Variants in MACF1 observed in about 807,000 individuals in gnomAD.
MACF1 encodes the protein microtubule-actin cross-linking factor 1.
A neutral mutation model predicts 854.8 loss-of-function variants in MACF1; 193 were observed. The ratio of observed to expected loss-of-function variants is 0.23; its 90% confidence interval spans 0.20 to 0.25. MACF1 has a LOEUF of 0.25. MACF1 is among the 10% of genes least tolerant of loss of function. The pLI is 1.00. For missense variants in MACF1, 7,722 were observed against 8,929.1 expected, an observed-to-expected ratio of 0.86 and a Z score of 5.45; for synonymous variants, 3,185 against 3,226.7, an observed-to-expected ratio of 0.99 and a Z score of 0.44.
chr1:39,147,089 C>G lies in MACF1; in HGVS notation c.220+62651C>G, dbSNP rs1017087693. 1.1e-4 allele frequency among the ~76,000 whole-genome samples: 17 copies of G among 149,692 alleles called. No homozygotes were observed. The Admixed American group carries it at 1.1e-3, about 10-fold the overall frequency. ...CCTCCTTCTCTCTCTTCCTCTCCTC[C>G]TCCTCCCCTTCCTCCCTCCCTCCTT... On this transcript the variant is annotated intron_variant, in intron 2 of 93. Transcript: ENST00000361689.
intron 58 of MACF1, 59 bp from the exon 59 acceptor site, chr1:39,422,315 G>C (rs535076928): frequency 7.4e-7 from 1 of 1,348,704 alleles, no homozygotes; most frequent in African/African-American, 1.4e-5. Flanking sequence ...CAGTCTCTGC[G>C]TGGTATAGAG....
At chr1:39,408,393 C>A (rs1414457005) in intron 58 of MACF1, among the ~76,000 whole-genome samples, 1 of 152,156 alleles carries the variant, frequency 6.6e-6, no homozygotes, top group Non-Finnish European at 1.5e-5. Context: ...GGGTTTAAGG[C>A]TGGAGTGTTC....
chr1:39,459,396 C>A, intron 91 of MACF1, 147 bp downstream of exon 91: 1 of 825,282 alleles, frequency 1.2e-6, no homozygotes. Context: ...AGTACTCATT[C>A]TTTGAGGCCC....
intron 2 of MACF1, among the ~76,000 whole-genome samples, chr1:39,246,213 C>G (rs962753747): frequency 6.6e-6 from 1 of 152,216 alleles, no homozygotes; most frequent in Admixed American, 6.5e-5. Flanking sequence ...GCTCTTCTAT[C>G]TTACTCCTAA....
At chr1:39,383,551 A>G (rs978367170) in intron 56 of MACF1, among the ~76,000 whole-genome samples, 2 of 152,236 alleles carry the variant, frequency 1.3e-5, no homozygotes, top group Admixed American at 6.5e-5. Context: ...TAATGAAAAA[A>G]TAGCATTTTC....
chr1:39,327,154 A>G (rs1646630529), intron 35 of MACF1, 64 bp from the exon 36 acceptor site: 1 of 1,460,344 alleles, frequency 6.8e-7, no homozygotes, highest in Non-Finnish European at 9.2e-7. Flanking sequence ...TTTTGAAGCA[A>G]TAGAGCAGAG....
chr1:39,268,252 C>G (rs1362691949), intron 6 of MACF1, among the ~76,000 whole-genome samples: 1 of 152,116 alleles, frequency 6.6e-6, no homozygotes, highest in East Asian at 1.9e-4. Flanking sequence ...GGCCTCTCTT[C>G]TTTTTCCCTC....
rs1369335794 is a variant in MACF1, at chr1:39,300,216, A to G, written c.2488A>G (p.Lys830Glu). The change falls in exon 22 of 101, where the codon AAG becomes GAG. Residue 830 changes from lysine (K) to glutamate (E), a missense_variant. Physicochemically the swap from Lys to Glu is moderately conservative, Grantham distance 56. Coordinates refer to ENST00000564288, the MANE Select transcript of MACF1 (RefSeq NM_001394062.1). ...TTTTCTTATCATTTTGTAGGATGAA[A>G]AGGAGCAGCTTATACAGTCCAAGAG... ...EDLLQDSMDE[K>E]EQLIQSKSSV... 3 of 1,611,034 alleles carry G rather than the reference A, an allele frequency of 1.9e-6. No individual in the cohort carries two copies.
At chr1:39,373,021 A>T (rs1353902118) in intron 52 of MACF1, 1 of 196,732 alleles carries the variant, frequency 5.1e-6, no homozygotes, top group Non-Finnish European at 1.0e-5. Context: ...AAATACAAAA[A>T]TTAGGCCAGG....
chr1:39,112,802 C>T (rs1193738905), intron 2 of MACF1, among the ~76,000 whole-genome samples: 1 of 152,070 alleles, frequency 6.6e-6, no homozygotes, highest in African/African-American at 2.4e-5. Flanking sequence ...CCTGTACCTG[C>T]CCAAAATGTT....
rs747685515 is a variant in MACF1 at position 39,439,325 on chromosome 1, C to T, written c.18272C>T (p.Ala6091Val). The T allele has an allele frequency of 9.9e-6, 16 of 1,613,992 alleles. No individual in the cohort carries two copies. In the East Asian group the frequency reaches 3.3e-4, roughly 34 times the overall value. The change falls in exon 72 of 101, where the codon GCT (alanine) becomes GTT (valine). Residue 6091 changes from alanine to valine, a missense_variant. Coordinates refer to ENST00000564288, the MANE Select transcript of MACF1 (RefSeq NM_001394062.1). ...QMVFFWEDIKARAEEREIKFL... is the reference protein window; with the variant it reads ...QMVFFWEDIKVRAEEREIKFL... ...GTATTCTTCTGGGAGGACATCAAAG[C>T]TCGGGCTGAAGAACGAGAAATCAAA...
At position 39,287,212 on chromosome 1, in the gene MACF1, A is replaced by G. The variant is rs1645662248; in HGVS notation, c.1509-74A>G. ...TTTTTATCATATCTTTGTCAAATGG[A>G]TAAGGAAGATTTTATTTTTAAAAAC... On this transcript the variant is annotated intron_variant, in intron 14 of 100. Transcript: ENST00000564288. 21 of 1,449,722 alleles carry G rather than the reference A, an allele frequency of 1.4e-5. 1 individual carries two copies. In the South Asian group the frequency reaches 2.5e-4, roughly 17 times the overall value. 89.8% of individuals were successfully genotyped at this position (1,449,722 alleles called of 1,614,324 possible).
At chr1:39,370,523 A>T (rs1569755394) in intron 51 of MACF1, among the ~76,000 whole-genome samples, 1 of 152,324 alleles carries the variant, frequency 6.6e-6, no homozygotes, top group Non-Finnish European at 1.5e-5. Context: ...CAAGGATGGG[A>T]CCAACCTTCC....
intron 2 of MACF1, among the ~76,000 whole-genome samples, chr1:39,119,948 A>G (rs367714360): frequency 1.1e-4 from 14 of 132,608 alleles, no homozygotes; most frequent in African/African-American, 4.1e-4. Flanking sequence ...CAATGGCATG[A>G]TCTCGGCTCA....
chr1:39,232,221 G>A (rs1397686697), intron 2 of MACF1, among the ~76,000 whole-genome samples: 1 of 151,518 alleles, frequency 6.6e-6, no homozygotes, highest in Non-Finnish European at 1.5e-5. Context: ...TAAACAGTAT[G>A]ACTACTGTGG....
At chr1:39,316,609 G>A in intron 28 of MACF1, 80 bp downstream of exon 28, 2 of 1,387,930 alleles carry the variant, frequency 1.4e-6, no homozygotes, top group East Asian at 2.4e-5. Flanking sequence ...AATTTTGGAT[G>A]GCATGACACT....
In MACF1 at chr1:39,387,842, C is replaced by A. The variant is rs569042776; in HGVS notation, c.15000C>A (p.Ala5000=). 6.2e-7 allele frequency: 1 copy of A among 1,613,984 alleles called. No homozygotes were observed. The highest frequency in any genetic ancestry group is 1.7e-5 in the Admixed American group (1 of 59,980). The change falls in exon 58 of 101, where the codon GCC becomes GCA. Residue 5000 remains alanine (A), a synonymous_variant. Coordinates refer to ENST00000564288, the MANE Select transcript of MACF1 (RefSeq NM_001394062.1). ...ATGCTGTTACAGAAGAGCTGCAGGC[C>A]AAAACAGGGTCACTCGAAGAAATGA... The part of the protein sequence containing the change: ...NMDAVTEELQ[A]KTGSLEEMTQ...
intron 2 of MACF1, among the ~76,000 whole-genome samples, chr1:39,148,995 T>A (rs565235527): frequency 4.5e-4 from 68 of 152,348 alleles, no homozygotes; most frequent in Non-Finnish European, 9.1e-4. Context: ...GCTGTGTTTC[T>A]AGGAATATTA....
intron 2 of MACF1, among the ~76,000 whole-genome samples, chr1:39,233,571 C>A (rs1644810704): frequency 6.6e-6 from 1 of 151,950 alleles, no homozygotes; most frequent in Non-Finnish European, 1.5e-5. Context: ...GTTCAGTAAA[C>A]CGTGGGTAAG....
Sources: gnomAD v4.1 joint callset for allele counts (sites outside exome capture counted in the v4.1 genomes callset) on GRCh38, gnomAD v4.1.1 for gene constraint, MANE v1.5 for transcripts, NCBI Gene and HGNC (gene_info 2026-07-23, HGNC 2026-07-21) for gene names.